The following RHCG variants were observed in gnomAD, a reference collection of about 807,000 sequenced individuals.
RHCG encodes ammonium transporter Rh type C.
Under a neutral mutation model 55.3 loss-of-function variants are expected in RHCG, and 39 were observed. That is an observed-to-expected ratio of 0.70 (90% CI 0.55 to 0.92). RHCG has a LOEUF of 0.92. Ranked by LOEUF, RHCG falls within the 40% of genes least tolerant of loss-of-function variation. The pLI, the probability that RHCG is intolerant of heterozygous loss-of-function variation, is 0.00. For synonymous variants in RHCG, 250 were observed against 246.8 expected (o/e 1.01, Z -0.12); for missense variants, 635 against 627.9 (o/e 1.01, Z -0.12).
At chr15:89,472,904 C>T in intron 9 of RHCG, 41 bp from the exon 10 acceptor site, 1 of 1,393,250 alleles carries the variant, frequency 7.2e-7, no homozygotes, top group East Asian at 2.9e-5. Flanking sequence ...CTGTCCCAGT[C>T]CAGGCAAGGG....
At chr15:89,483,384 T>G (rs781005436) in intron 2 of RHCG, among the ~76,000 whole-genome samples, 167 bp from the exon 3 acceptor site, 1 of 152,086 alleles carries the variant, frequency 6.6e-6, no homozygotes, top group African/African-American at 2.4e-5. Flanking sequence ...ACTCCAAGAA[T>G]GAAAAGAAAC....
At chr15:89,490,668 TTGGCAGGA>T (rs1961456821) in intron 1 of RHCG, among the ~76,000 whole-genome samples, 1 of 150,318 alleles carries the variant, frequency 6.7e-6, no homozygotes, top group South Asian at 2.1e-4. Context: ...GGGAGGGGAG[TTGGCAGGA>T]TGACAGGATG....
chr15:89,472,639 C>T lies in RHCG; in HGVS notation c.*24+72G>A, dbSNP rs1030823018. On this transcript the variant is annotated intron_variant, in intron 10 of 10. Coordinates refer to ENST00000268122, the MANE Select transcript of RHCG (RefSeq NM_016321.3). ...TTGCTTTTTGCCTCTTTGCTAGTAA[C>T]ATCTGATTCTGAGAGCTGGGCCCCC... The T allele has an allele frequency of 2.8e-6, 4 of 1,449,812 alleles. No homozygotes were observed. In the East Asian group the frequency reaches 9.5e-5, roughly 34 times the overall value. 89.8% of individuals were successfully genotyped at this position (1,449,812 alleles called of 1,614,324 possible).
In RHCG at chr15:89,486,599, A is replaced by AGAGAGTGT; in HGVS notation, c.371+199_371+200insACACTCTC. ...GAGAGAGAGAGAGAGAGAGAGAGAG[A>AGAGAGTGT]GTGTGTGTGTGTGTGTGTGTGTGTG... On this transcript the variant is annotated intron_variant, in intron 2 of 10. Transcript: ENST00000268122. 1.4e-3 allele frequency: 359 copies of AGAGAGTGT among 264,232 alleles called. 2 individuals are homozygous for AGAGAGTGT. Among genetic ancestry groups the AGAGAGTGT allele is most frequent in the African/African-American group, 2.4e-3 (52 of 22,006 alleles). 16.4% of individuals were successfully genotyped at this position (264,232 alleles called of 1,614,324 possible).
intron 2 of RHCG, 200 bp downstream of exon 2, chr15:89,486,599 A>AGAGAGAGAGAGAGAGAGTGTGAGTGTGT: frequency 4.2e-6 from 1 of 236,650 alleles, no homozygotes; most frequent in African/African-American, 4.8e-5. Flanking sequence ...AGAGAGAGAG[A>AGAGAGAGAGAGAGAGAGTGTGAGTGTGT]GTGTGTGTGT....
At chr15:89,484,326 G>A (rs1961321550) in intron 2 of RHCG, among the ~76,000 whole-genome samples, 1 of 152,192 alleles carries the variant, frequency 6.6e-6, no homozygotes. Flanking sequence ...ACTAAGTACT[G>A]TATATGCCCT....
chr15:89,491,376 C>T (rs182284432), intron 1 of RHCG, among the ~76,000 whole-genome samples: 1 of 152,236 alleles, frequency 6.6e-6, no homozygotes, highest in Admixed American at 6.5e-5. Context: ...AATTTGTCCT[C>T]TTGCTTCCCA....
chr15:89,487,237 G>C (rs1414525097), intron 1 of RHCG, among the ~76,000 whole-genome samples: 1 of 152,182 alleles, frequency 6.6e-6, no homozygotes, highest in Non-Finnish European at 1.5e-5. Context: ...CGCTGGGGGG[G>C]ACCCGAGGTG....
intron 1 of RHCG, among the ~76,000 whole-genome samples, chr15:89,490,478 T>C (rs186759934): frequency 3.3e-5 from 5 of 152,346 alleles, no homozygotes; most frequent in Admixed American, 2.6e-4. Context: ...AATGATTTCA[T>C]GTATGATCGT....
chr15:89,475,146 ATTCC>A (rs1356330637), intron 9 of RHCG, among the ~76,000 whole-genome samples: 8 of 42,202 alleles, frequency 1.9e-4, no homozygotes, highest in African/African-American at 3.9e-4. Context: ...GCCTTCCTTC[ATTCC>A]TTCCTTCCTT....
Position 89,477,691 on chromosome 15 carries a change from T to A in RHCG, c.976-38A>T, listed in dbSNP as rs758721624. 1.2e-6 allele frequency: 2 copies of A among 1,612,050 alleles called. No individual in the cohort carries two copies. Among genetic ancestry groups the A allele is most frequent in the South Asian group, 2.2e-5 (2 of 91,048 alleles). Reference sequence around the variant, plus strand: ...GGTGGGTGCTGCTCAGGCCGGGGGCTGCATCAAGGGTGTGGGGAGGCCGGG... The same window carrying A: ...GGTGGGTGCTGCTCAGGCCGGGGGCAGCATCAAGGGTGTGGGGAGGCCGGG... On this transcript the variant is annotated intron_variant, in intron 6 of 10. Coordinates refer to ENST00000268122, the MANE Select transcript of RHCG (RefSeq NM_016321.3). The surrounding 1 kb of genome is among the most constrained non-coding windows in gnomAD (Gnocchi z 4.5).
At chr15:89,481,410 A>ACTG (rs1961264703) in intron 3 of RHCG, among the ~76,000 whole-genome samples, 1 of 151,960 alleles carries the variant, frequency 6.6e-6, no homozygotes, top group African/African-American at 2.4e-5. Context: ...AGATCATGCC[A>ACTG]CTGCACTCCA....
At chr15:89,472,564 T>G (rs1961058057) in intron 10 of RHCG, 147 bp downstream of exon 10, 4 of 719,882 alleles carry the variant, frequency 5.6e-6, no homozygotes, top group Non-Finnish European at 8.9e-6. Flanking sequence ...CAACCCCATG[T>G]GCCCACTGCA....
intron 3 of RHCG, among the ~76,000 whole-genome samples, chr15:89,481,194 A>C (rs991728520): frequency 6.6e-6 from 1 of 152,232 alleles, no homozygotes; most frequent in South Asian, 2.1e-4. Context: ...TCATGCCTGT[A>C]ATCCCAGCAC....
At chr15:89,492,253 G>A (rs1299331245) in intron 1 of RHCG, among the ~76,000 whole-genome samples, 5 of 152,154 alleles carry the variant, frequency 3.3e-5, no homozygotes, top group South Asian at 4.2e-4. Flanking sequence ...CCCCAGCCCC[G>A]TTCTAGCTCC....
intron 1 of RHCG, among the ~76,000 whole-genome samples, chr15:89,494,604 A>G (rs1417531352): frequency 2.7e-5 from 4 of 150,810 alleles, no homozygotes; most frequent in South Asian, 2.1e-4. Flanking sequence ...AGCTCCTATT[A>G]TAGGGTCTCT....
intron 9 of RHCG, 108 bp downstream of exon 9, chr15:89,476,647 C>T (rs1045452469): frequency 2.3e-6 from 2 of 887,602 alleles, no homozygotes; most frequent in East Asian, 2.4e-5. Flanking sequence ...TAGGCTCTGA[C>T]CCCCACCCCC....
chr15:89,474,481 A>G (rs1961094811), intron 9 of RHCG, among the ~76,000 whole-genome samples: 1 of 152,240 alleles, frequency 6.6e-6, no homozygotes, highest in African/African-American at 2.4e-5. Flanking sequence ...ATGAGAGGAC[A>G]GTGCAGGAGG....
chr15:89,483,931 G>A (rs1467628397), intron 2 of RHCG, among the ~76,000 whole-genome samples: 1 of 152,234 alleles, frequency 6.6e-6, no homozygotes, highest in Non-Finnish European at 1.5e-5. Context: ...GAGGCAGACA[G>A]CTGAGTGGAC....
Sources: gnomAD v4.1 joint callset for allele counts (sites outside exome capture counted in the v4.1 genomes callset) on GRCh38, gnomAD v4.1.1 for gene constraint, Gnocchi (gnomAD v3.1) non-coding constraint, MANE v1.5 for transcripts, NCBI Gene and HGNC (gene_info 2026-07-23, HGNC 2026-07-21) for gene names.